The following RSPH14 variants were observed in gnomAD, a reference collection of about 807,000 sequenced individuals.
The protein encoded by RSPH14 is radial spoke head 14 homolog, also known as rhabdoid tumor deletion region gene 1.
Under a neutral mutation model 26.7 loss-of-function variants are expected in RSPH14, and 20 were observed. That is an observed-to-expected ratio of 0.75 (90% CI 0.53 to 1.09). RSPH14 has a LOEUF of 1.09. Among genes scored for constraint, RSPH14 ranks in the 50% least tolerant of loss-of-function variants. The pLI, the probability that RSPH14 is intolerant of heterozygous loss-of-function variation, is 0.00. For synonymous variants in RSPH14, 177 were observed against 189.3 expected (o/e 0.93, Z 0.53); for missense variants, 449 against 457.2 (o/e 0.98, Z 0.16).
At chr22:23,084,865 C>G (rs753105319) in intron 4 of RSPH14, among the ~76,000 whole-genome samples, 1 of 152,212 alleles carries the variant, frequency 6.6e-6, no homozygotes. Context: ...TGCCAGAGGA[C>G]GCACTGTCTG....
At chr22:23,114,452 C>A (rs1341627270) in intron 4 of RSPH14, among the ~76,000 whole-genome samples, 1 of 152,192 alleles carries the variant, frequency 6.6e-6, no homozygotes, top group South Asian at 2.1e-4. Context: ...GCCAGCCCCT[C>A]CTGCAATGCC....
chr22:23,153,574 AG>A, the RSPH14 span: 1 of 984,018 alleles, frequency 1.0e-6, no homozygotes, highest in African/African-American at 1.8e-5. Context: ...TTGGGCAAGG[AG>A]GGCTGAGATG....
At chr22:23,095,799 A>G in intron 4 of RSPH14, 2 of 1,613,436 alleles carry the variant, frequency 1.2e-6, no homozygotes, top group Non-Finnish European at 1.7e-6. Context: ...CGCGAAATCA[A>G]GCTGCTCCTG....
chr22:23,073,130 C>T (rs911203297), intron 4 of RSPH14, among the ~76,000 whole-genome samples: 7 of 152,346 alleles, frequency 4.6e-5, no homozygotes, highest in Non-Finnish European at 5.9e-5. Flanking sequence ...ATACTTAAGA[C>T]GGTGTGTGGT....
In RSPH14 at chr22:23,059,701, C is replaced by G. The variant is rs1174870076; in HGVS notation, c.808G>C (p.Glu270Gln). ...AGGAGCAGGCCGATGGCTTGTGCCT[C>G]CAGGGCCGCATACTTCCCTGCAGGC... ...VITEGKYAAL[E>Q]AQAIGLLLEL... The change falls in exon 7 of 7, where the codon GAG becomes CAG. Residue 270 changes from glutamate (E) to glutamine (Q), a missense_variant. Transcript: ENST00000216036. The G allele has an allele frequency of 1.3e-6, 2 of 1,542,520 alleles. No homozygotes were observed. The highest frequency in any genetic ancestry group is 4.0e-5 in the Admixed American group (2 of 50,198).
chr22:23,173,849 A>G, the RSPH14 span, among the ~76,000 whole-genome samples: 5 of 152,008 alleles, frequency 3.3e-5, no homozygotes, highest in Non-Finnish European at 7.4e-5. Context: ...CTGGGACTAC[A>G]GGCATGCGCC....
chr22:23,109,418 G>T (rs2094266198), intron 4 of RSPH14, among the ~76,000 whole-genome samples: 2 of 152,148 alleles, frequency 1.3e-5, no homozygotes, highest in South Asian at 4.1e-4. Flanking sequence ...AGGTCTTTTT[G>T]GGAGTCCTGA....
intron 4 of RSPH14, among the ~76,000 whole-genome samples, chr22:23,090,603 G>A (rs2068944125): frequency 6.6e-6 from 1 of 152,130 alleles, no homozygotes; most frequent in South Asian, 2.1e-4. Context: ...AGACTGGTCA[G>A]GCATGCTCCC....
chr22:23,170,593 C>T, the RSPH14 span, among the ~76,000 whole-genome samples: 15 of 151,520 alleles, frequency 9.9e-5, no homozygotes, highest in Non-Finnish European at 1.9e-4. Flanking sequence ...ATTAGCCGGG[C>T]GTGGTGGTGA....
chr22:23,092,576 G>T (rs1024480951), intron 4 of RSPH14, among the ~76,000 whole-genome samples: 2 of 152,178 alleles, frequency 1.3e-5, no homozygotes, highest in Non-Finnish European at 1.5e-5. Flanking sequence ...TTGCTACCTG[G>T]CCTCAGTTTC....
At chr22:23,176,246 G>T in the RSPH14 span, among the ~76,000 whole-genome samples, 12 of 152,222 alleles carry the variant, frequency 7.9e-5, no homozygotes, top group African/African-American at 2.9e-4. Context: ...CCCTCTGTTG[G>T]GGAAAAGCTG....
chr22:23,059,590 T>C lies in RSPH14; in HGVS notation c.919A>G (p.Lys307Glu), dbSNP rs757319917. The stretch of plus-strand genomic sequence containing the variant: ...GTGGGCACGTGCGTCTGCAGGGCCT[T>C]GCGGCCCTCGGGGGCCTCTGCCAGC... Reference protein sequence around the residue: ...TMLAEAPEGRKALQTHVPTFR... With the variant: ...TMLAEAPEGREALQTHVPTFR... The change falls in exon 7 of 7, where the codon AAG becomes GAG. Residue 307 changes from lysine (K) to glutamate (E), a missense_variant. Transcript: ENST00000216036. 6 of 1,614,010 alleles carry C rather than the reference T, an allele frequency of 3.7e-6. No homozygotes were observed. The highest frequency in any genetic ancestry group is 5.1e-6 in the Non-Finnish European group (6 of 1,179,938).
At chr22:23,060,053 C>T (rs984533424) in intron 6 of RSPH14, among the ~76,000 whole-genome samples, 1 of 152,192 alleles carries the variant, frequency 6.6e-6, no homozygotes, top group Admixed American at 6.5e-5. Flanking sequence ...GTGACAGGTG[C>T]CTACAGTCCC....
chr22:23,070,104 G>C (rs1018327145), intron 4 of RSPH14, among the ~76,000 whole-genome samples: 2 of 152,080 alleles, frequency 1.3e-5, no homozygotes, highest in Admixed American at 1.3e-4. Context: ...GAGCTCTTGC[G>C]GGACTGCGGC....
the RSPH14 span, among the ~76,000 whole-genome samples, chr22:23,167,826 G>A: frequency 1.3e-5 from 2 of 151,924 alleles, no homozygotes; most frequent in Non-Finnish European, 2.9e-5. Context: ...GGGACTACAG[G>A]TGCACTACTG....
At chr22:23,176,211 C>G in the RSPH14 span, among the ~76,000 whole-genome samples, 1 of 152,236 alleles carries the variant, frequency 6.6e-6, no homozygotes, top group Non-Finnish European at 1.5e-5. Context: ...GTCACCATCC[C>G]AAAGTCATCC....
intron 5 of RSPH14, among the ~76,000 whole-genome samples, chr22:23,063,344 C>T (rs999017775): frequency 6.6e-6 from 1 of 152,160 alleles, no homozygotes; most frequent in Admixed American, 6.5e-5. Flanking sequence ...CTCTGGGGTT[C>T]GGTGACCAGC....
upstream of RSPH14, chr22:23,145,324 T>A (rs375164700): frequency 5.5e-5 from 83 of 1,502,140 alleles, no homozygotes; most frequent in Non-Finnish European, 7.0e-5. Context: ...GGAGTCTCTC[T>A]GCTGCCAGCC....
the RSPH14 span, chr22:23,152,954 G>T: frequency 9.8e-6 from 10 of 1,015,520 alleles, no homozygotes; most frequent in Non-Finnish European, 1.5e-5. Flanking sequence ...TTTGCCTAAA[G>T]ACTTGCAGTG....
Sources: allele counts gnomAD v4.1 joint callset (sites outside exome capture counted in the v4.1 genomes callset), GRCh38; gene constraint gnomAD v4.1.1; transcripts MANE v1.5; gene names NCBI Gene and HGNC (gene_info 2026-07-23, HGNC 2026-07-21).